Variants in PCDHA13 observed in about 807,000 individuals in gnomAD.
The protein encoded by PCDHA13 is protocadherin alpha 13.
In PCDHA13, 54 loss-of-function variants were observed where a neutral mutation model predicts 64.8. That is an observed-to-expected ratio of 0.83 (90% CI 0.67 to 1.04). The LOEUF (loss-of-function observed/expected upper bound fraction) is 1.04, where lower values mean the gene tolerates loss of function less well. PCDHA13 is among the 50% of genes least tolerant of loss of function. PCDHA13 has a pLI of 0.00. For missense variants in PCDHA13, 1,248 were observed against 1,254.3 expected, an observed-to-expected ratio of 0.99 and a Z score of 0.08; for synonymous variants, 587 against 564.4, an observed-to-expected ratio of 1.04 and a Z score of -0.57.
chr5:140,944,799 G>A (rs1160069845), intron 1 of PCDHA13, among the ~76,000 whole-genome samples: 2 of 152,090 alleles, frequency 1.3e-5, no homozygotes, highest in Non-Finnish European at 2.9e-5. Flanking sequence ...CAAGTCTGTC[G>A]AGGGTCCACA....
rs2098423382 is a variant in PCDHA13, at chr5:141,012,241, T to C, written c.*2304T>C. On this transcript the variant is annotated 3_prime_UTR_variant, in exon 4 of 4. Coordinates refer to ENST00000289272, the MANE Select transcript of PCDHA13 (RefSeq NM_018904.3). ...GTGCTTTCCAATCCATGTTAGTTAC[T>C]AGTTATTACAGCTGTAAGGATAAAA... 6.5e-6 allele frequency: 1 copy of C among 153,802 alleles called. No homozygotes were observed. The highest frequency in any genetic ancestry group is 6.5e-5 in the Admixed American group (1 of 15,284). The allele number at this position is 153,802 out of a possible 1,614,324, so 9.5% of individuals were successfully genotyped here.
intron 1 of PCDHA13, chr5:140,928,696 C>G: frequency 6.2e-7 from 1 of 1,614,146 alleles, no homozygotes. Flanking sequence ...CCACATCTCC[C>G]GGGCGTCTGA....
chr5:141,006,029 G>A (rs539375544), intron 3 of PCDHA13, among the ~76,000 whole-genome samples: 12 of 151,322 alleles, frequency 7.9e-5, no homozygotes, highest in Non-Finnish European at 1.2e-4. Context: ...ATAATAGTAA[G>A]AGGGAGATTT....
intron 1 of PCDHA13, among the ~76,000 whole-genome samples, chr5:140,962,009 G>C (rs545144318): frequency 1.3e-4 from 19 of 151,596 alleles, no homozygotes; most frequent in African/African-American, 3.6e-4. Flanking sequence ...TCAGCTTCCC[G>C]AGTAGCTGGG....
At position 140,954,715 on chromosome 5, in the gene PCDHA13, G is replaced by A. The variant is rs189929573; in HGVS notation, c.2395-24234G>A. Among the ~76,000 whole-genome samples, 246 of 152,208 alleles carry A rather than the reference G, an allele frequency of 1.6e-3. 8 individuals carry two copies. Among genetic ancestry groups the A allele is most frequent in the Middle Eastern group, 3.4e-3 (1 of 294 alleles). ...GACTACAAAATTTTTCTCCCATTCT[G>A]TAGGTTGTCTTTTCACTCTGATGAT... On this transcript the variant is annotated intron_variant, in intron 1 of 3. Coordinates refer to ENST00000289272, the MANE Select transcript of PCDHA13 (RefSeq NM_018904.3).
At chr5:140,907,480 CA>C (rs1384591200) in intron 1 of PCDHA13, among the ~76,000 whole-genome samples, 2 of 152,212 alleles carry the variant, frequency 1.3e-5, no homozygotes, top group African/African-American at 4.8e-5. Context: ...GCAGGATAGG[CA>C]AACCCATATC....
chr5:140,978,633 CA>C (rs2096813426), intron 1 of PCDHA13, among the ~76,000 whole-genome samples: 1 of 152,214 alleles, frequency 6.6e-6, no homozygotes, highest in South Asian at 2.1e-4. Context: ...TTTCCTTTCT[CA>C]AAGCAGACTG....
chr5:140,925,282 T>C (rs1371569064), intron 1 of PCDHA13, among the ~76,000 whole-genome samples: 1 of 152,184 alleles, frequency 6.6e-6, no homozygotes, highest in Admixed American at 6.5e-5. Context: ...GATTTTGCCT[T>C]TCAAATGTTT....
chr5:140,928,152 T>G, intron 1 of PCDHA13: 1 of 1,614,200 alleles, frequency 6.2e-7, no homozygotes, highest in East Asian at 2.2e-5. Context: ...CCTCAGATAG[T>G]GGCTCACCCC....
intron 3 of PCDHA13, among the ~76,000 whole-genome samples, chr5:140,995,639 A>G (rs1410943855): frequency 6.6e-6 from 1 of 152,190 alleles, no homozygotes; most frequent in Non-Finnish European, 1.5e-5. Context: ...TGGAGTGTTT[A>G]GAAAAGGAGA....
chr5:140,900,101 T>C (rs2067753417), intron 1 of PCDHA13, among the ~76,000 whole-genome samples: 1 of 152,180 alleles, frequency 6.6e-6, no homozygotes, highest in African/African-American at 2.4e-5. Flanking sequence ...TGCGCCACCA[T>C]ACCTGGCCTT....
chr5:140,941,191 T>TTTCTTTCTTTCTTTCTTTCTTTC (rs1487503403), intron 1 of PCDHA13, among the ~76,000 whole-genome samples: 1 of 93,206 alleles, frequency 1.1e-5, no homozygotes, highest in South Asian at 2.8e-4. Flanking sequence ...GCTTCTTTTT[T>TTTCTTTCTTTCTTTCTTTCTTTC]TTTCTTTCTT....
At chr5:140,969,152 T>C in intron 1 of PCDHA13, 1 of 1,614,002 alleles carries the variant, frequency 6.2e-7, no homozygotes, top group East Asian at 2.2e-5. Flanking sequence ...CTACAAGGCC[T>C]GTCTGACAGC....
At chr5:140,952,885 A>G (rs1285549724) in intron 1 of PCDHA13, among the ~76,000 whole-genome samples, 1 of 152,174 alleles carries the variant, frequency 6.6e-6, no homozygotes, top group Non-Finnish European at 1.5e-5. Flanking sequence ...TCATGGTGGA[A>G]GGCAAAGGGG....
chr5:140,933,050 C>T (rs2088825990), intron 1 of PCDHA13, among the ~76,000 whole-genome samples: 1 of 152,018 alleles, frequency 6.6e-6, no homozygotes, highest in Admixed American at 6.5e-5. Context: ...GGATTACAGT[C>T]CAGGATCCTG....
At position 140,884,316 on chromosome 5, in the gene PCDHA13, C is replaced by T. The variant is rs563652109; in HGVS notation, c.2048C>T (p.Ser683Leu). The T allele has an allele frequency of 3.1e-6, 5 of 1,613,752 alleles. No individual in the cohort carries two copies. The East Asian group carries it at 8.9e-5, about 29-fold the overall frequency. The change falls in exon 1 of 4, where the codon TCG (serine) becomes TTG (leucine). Residue 683 changes from serine to leucine, a missense_variant. Coordinates refer to ENST00000289272, the MANE Select transcript of PCDHA13 (RefSeq NM_018904.3). ...GQAPQASSRA[S>L]AGAVGPEAAL... ...GCGCCACAGGCTTCGTCGAGGGCGT[C>T]GGCAGGCGCTGTGGGTCCAGAAGCG...
chr5:141,006,357 G>A (rs1296731156), intron 3 of PCDHA13, among the ~76,000 whole-genome samples: 1 of 151,914 alleles, frequency 6.6e-6, no homozygotes, highest in Middle Eastern at 3.4e-3. Context: ...GACTATAGGC[G>A]CCCACCACCA....
rs1554262618 is a variant in PCDHA13, at chr5:141,009,958, C to T, written c.*21C>T. On this transcript the variant is annotated 3_prime_UTR_variant, in exon 4 of 4. Transcript: ENST00000289272. The stretch of plus-strand genomic sequence containing the variant: ...AGTGAGGTCCTCAAATGGAAACAAG[C>T]CACTTAGCCAGTTTTTGTAATAATG... 1.3e-6 allele frequency: 2 copies of T among 1,589,012 alleles called. No homozygotes were observed. The highest frequency in any genetic ancestry group is 1.7e-6 in the Non-Finnish European group (2 of 1,171,000).
At position 140,882,742 on chromosome 5, in the gene PCDHA13, C is replaced by G. The variant is rs372229324; in HGVS notation, c.474C>G (p.Ser158=). ...PETRFPLDGA[S]DADIGVNSAL... Reference sequence around the variant, plus strand: ...CTCGATTTCCACTAGATGGCGCATCCGATGCAGATATTGGAGTAAACTCGG... The same window carrying G: ...CTCGATTTCCACTAGATGGCGCATCGGATGCAGATATTGGAGTAAACTCGG... Residue 158 remains serine, a synonymous_variant, in exon 1 of 4, where the codon TCC becomes TCG. Coordinates refer to ENST00000289272, the MANE Select transcript of PCDHA13 (RefSeq NM_018904.3). 126 of 1,614,092 alleles carry G rather than the reference C, an allele frequency of 7.8e-5. 1 individual carries two copies. The Middle Eastern group carries it at 1.6e-3, about 21-fold the overall frequency.
Sources: gnomAD v4.1 joint callset for allele counts (sites outside exome capture counted in the v4.1 genomes callset) on GRCh38, gnomAD v4.1.1 for gene constraint, MANE v1.5 for transcripts, NCBI Gene and HGNC (gene_info 2026-07-23, HGNC 2026-07-21) for gene names.